Variants in RTN1 observed in about 807,000 individuals in gnomAD.
The protein encoded by RTN1 is reticulon-1.
A neutral mutation model predicts 65.5 loss-of-function variants in RTN1; 25 were observed. The ratio of observed to expected loss-of-function variants is 0.38; its 90% CI spans 0.28 to 0.53. The LOEUF is 0.53. RTN1 is among the 20% of genes least tolerant of loss of function. The pLI is 0.79. For missense variants in RTN1, 983 were observed against 1,025.4 expected (o/e 0.96, Z 0.57); for synonymous variants, 471 against 447.6 (o/e 1.05, Z -0.66).
chr14:59,686,118 A>G (rs1883842169), intron 3 of RTN1, among the ~76,000 whole-genome samples: 1 of 152,332 alleles, frequency 6.6e-6, no homozygotes, highest in African/African-American at 2.4e-5. Flanking sequence ...GGATTTCCAC[A>G]GGCAGAAAAG....
intron 3 of RTN1, among the ~76,000 whole-genome samples, chr14:59,690,114 A>G (rs1160554155): frequency 1.3e-5 from 2 of 151,972 alleles, no homozygotes; most frequent in African/African-American, 4.8e-5. Context: ...CACCACACAC[A>G]GCCTTAACCT....
chr14:59,774,944 T>C lies in RTN1; in HGVS notation c.242-28463A>G, dbSNP rs1236104453. Among the ~76,000 whole-genome samples the C allele has an allele frequency of 6.6e-6, 1 of 152,204 alleles. No individual in the cohort carries two copies. The highest frequency in any genetic ancestry group is 1.5e-5 in the Non-Finnish European group (1 of 68,032). ...GAATTAACATTTCAGGGGAAAACTG[T>C]TGCAATAACAGACAGAAACCTCCTT... is the stretch of plus-strand genomic sequence containing the variant. On this transcript the variant is annotated intron_variant, in intron 1 of 8. Coordinates refer to ENST00000267484, the MANE Select transcript of RTN1 (RefSeq NM_021136.3). This position sits in a 1 kb window ranked among gnomAD's most constrained non-coding sequence, Gnocchi z 5.1.
chr14:59,861,169 C>T (rs1341216668), intron 1 of RTN1, among the ~76,000 whole-genome samples: 1 of 152,084 alleles, frequency 6.6e-6, no homozygotes, highest in African/African-American at 2.4e-5. Flanking sequence ...TCTTGAATTC[C>T]CACGTGTTAT....
chr14:59,797,550 G>A (rs1886462646), intron 1 of RTN1, among the ~76,000 whole-genome samples: 1 of 152,136 alleles, frequency 6.6e-6, no homozygotes. Context: ...ATACTCCAGG[G>A]ATGCTTCTCA....
chr14:59,862,002 C>T (rs1170606363), intron 1 of RTN1, among the ~76,000 whole-genome samples: 2 of 152,090 alleles, frequency 1.3e-5, no homozygotes, highest in Non-Finnish European at 2.9e-5. Context: ...ATAATGTGCA[C>T]CTGAGACTTT....
At chr14:59,838,432 G>A (rs2139649287) in intron 1 of RTN1, among the ~76,000 whole-genome samples, 1 of 152,142 alleles carries the variant, frequency 6.6e-6, no homozygotes, top group South Asian at 2.1e-4. Context: ...AGTATCAGGG[G>A]GTATTATAAT....
intron 2 of RTN1, among the ~76,000 whole-genome samples, chr14:59,735,176 C>G (rs967258347): frequency 2.0e-5 from 3 of 152,146 alleles, no homozygotes; most frequent in African/African-American, 7.2e-5. Flanking sequence ...CCATTTCAGA[C>G]AAGCGAATGC....
Position 59,837,460 on chromosome 14 carries a change from A to C in RTN1, c.241+32930T>G. ...ATAATACATTTGAACACACACCCACATACGATAATATTTCTAATATGTCAA... is the reference window on the plus strand; with the variant it reads ...ATAATACATTTGAACACACACCCACCTACGATAATATTTCTAATATGTCAA... On this transcript the variant is annotated intron_variant, in intron 1 of 8. Coordinates refer to ENST00000267484, the MANE Select transcript of RTN1 (RefSeq NM_021136.3). Among the ~76,000 whole-genome samples, 2 of 152,120 alleles carry C rather than the reference A, an allele frequency of 1.3e-5. 1 individual carries two copies. The highest frequency in any genetic ancestry group is 3.8e-4 in the East Asian group (2 of 5,196).
At chr14:59,767,384 G>T (rs10145080) in intron 1 of RTN1, among the ~76,000 whole-genome samples, 66,991 of 152,050 alleles carry the variant, frequency 0.44, 16,169 homozygotes, top group African/African-American at 0.64. Flanking sequence ...ATACCCAAAG[G>T]GGTGATGAGC....
At chr14:59,675,104 G>T (rs1956373) in intron 3 of RTN1, among the ~76,000 whole-genome samples, 105,041 of 151,724 alleles carry the variant, frequency 0.69, 36,836 homozygotes, top group Non-Finnish European at 0.74. Flanking sequence ...CAAATGGTGT[G>T]AAAGGCACCA....
chr14:59,679,156 T>C (rs1241146260), intron 3 of RTN1, among the ~76,000 whole-genome samples: 5 of 152,192 alleles, frequency 3.3e-5, no homozygotes, highest in African/African-American at 1.2e-4. Context: ...ACATTTTGTA[T>C]TGAGTATTAT....
chr14:59,709,152 A>G (rs572069521), intron 3 of RTN1, among the ~76,000 whole-genome samples: 1 of 152,224 alleles, frequency 6.6e-6, no homozygotes, highest in Non-Finnish European at 1.5e-5. Flanking sequence ...AGAGATGTAC[A>G]CTGAAGCTTG....
rs111722650 is a variant in RTN1, at chr14:59,774,094, T to A, written c.242-27613A>T. On this transcript the variant is annotated intron_variant, in intron 1 of 8. Coordinates refer to ENST00000267484, the MANE Select transcript of RTN1 (RefSeq NM_021136.3). The surrounding 1 kb of genome is among the most constrained non-coding windows in gnomAD (Gnocchi z 5.1). Reference sequence around the variant, plus strand: ...CAAATTTGGGCAAGTATCCACATTATGGTAAAGAGTGTCTGTAGTGGACTG... The same window carrying A: ...CAAATTTGGGCAAGTATCCACATTAAGGTAAAGAGTGTCTGTAGTGGACTG... 2.6e-5 allele frequency among the ~76,000 whole-genome samples: 4 copies of A among 152,298 alleles called. 1 individual carries two copies. The highest frequency in any genetic ancestry group is 9.6e-5 in the African/African-American group (4 of 41,572).
chr14:59,796,303 C>T (rs902410466), intron 1 of RTN1, among the ~76,000 whole-genome samples: 3 of 152,132 alleles, frequency 2.0e-5, no homozygotes, highest in Non-Finnish European at 2.9e-5. Context: ...TAAGTATACT[C>T]TATGATGCTC....
chr14:59,669,715 C>G (rs1374344451), intron 3 of RTN1, among the ~76,000 whole-genome samples: 1 of 152,104 alleles, frequency 6.6e-6, no homozygotes, highest in East Asian at 1.9e-4. Context: ...AGAGCTCTGT[C>G]AAGTCACCTA....
chr14:59,742,980 C>T (rs888282618), intron 2 of RTN1, among the ~76,000 whole-genome samples: 1 of 152,202 alleles, frequency 6.6e-6, no homozygotes, highest in African/African-American at 2.4e-5. Context: ...TATCTGTTGT[C>T]ATATGACTCT....
intron 3 of RTN1, among the ~76,000 whole-genome samples, chr14:59,661,701 C>T (rs1883251570): frequency 6.6e-6 from 1 of 152,100 alleles, no homozygotes; most frequent in South Asian, 2.1e-4. Context: ...AAATTCAACA[C>T]CCCATTCATG....
intron 3 of RTN1, among the ~76,000 whole-genome samples, chr14:59,709,904 T>C (rs905918339): frequency 1.3e-5 from 2 of 152,166 alleles, no homozygotes; most frequent in Non-Finnish European, 2.9e-5. Context: ...AATTTTCTCA[T>C]TGTTCAAAGT....
rs543331849 is a variant in RTN1 at position 59,715,485 on chromosome 14, C to A, written c.1765+11434G>T. Among the ~76,000 whole-genome samples the A allele has an allele frequency of 1.7e-3, 255 of 152,270 alleles. 2 individuals are homozygous for A. In the Middle Eastern group the frequency reaches 0.02, roughly 12 times the overall value. On this transcript the variant is annotated intron_variant, in intron 3 of 8. Transcript: ENST00000267484. ...TTGGTGAAATATATAAAAACTTCTC[C>A]AAATTTCAGGATTCTGTTTTCAGAG... is the stretch of plus-strand genomic sequence containing the variant.
Sources: allele counts gnomAD v4.1 joint callset (sites outside exome capture counted in the v4.1 genomes callset), GRCh38; gene constraint gnomAD v4.1.1; non-coding constraint Gnocchi (gnomAD v3.1); transcripts MANE v1.5; gene names NCBI Gene and HGNC (gene_info 2026-07-23, HGNC 2026-07-21).